The following PIGX variants were observed in gnomAD, a reference collection of about 807,000 sequenced individuals.
PIGX encodes phosphatidylinositol glycan anchor biosynthesis class X.
In PIGX, 24 loss-of-function variants were observed where a neutral mutation model predicts 28.7. The observed-to-expected ratio is 0.84, with a 90% CI of 0.60 to 1.17. PIGX has a LOEUF of 1.17. Ranked by LOEUF, PIGX falls within the 50% of genes most tolerant of loss-of-function variation. PIGX has a pLI of 0.00. For missense variants in PIGX, 305 were observed against 317.8 expected (o/e 0.96, Z 0.31); for synonymous variants, 127 against 121.0 (o/e 1.05, Z -0.33).
chr3:196,712,612 C>A lies in PIGX; in HGVS notation c.80C>A (p.Ala27Asp). 9.2e-6 allele frequency: 11 copies of A among 1,190,654 alleles called. No individual in the cohort carries two copies. The highest frequency in any genetic ancestry group is 1.1e-5 in the Non-Finnish European group (11 of 961,404). The allele number at this position is 1,190,654 out of a possible 1,614,324, so 73.8% of individuals were successfully genotyped here. A position where few individuals can be genotyped will look rare whatever the true frequency, so the allele number is the denominator to read the frequency against. Residue 27 changes from alanine (A) to aspartate (D), a missense_variant, in exon 1 of 6, where the codon GCC (alanine) becomes GAC (aspartate). By Grantham distance (126) the Ala-to-Asp change is moderately radical. Coordinates refer to ENST00000392391, the MANE Select transcript of PIGX (RefSeq NM_017861.4). The stretch of plus-strand genomic sequence containing the variant: ...GCGACCGGGCTCACGCGCGGGCCCG[C>A]CGCGGCCTTCACCGCCGCGCGCTCT...
intron 2 of PIGX, chr3:196,721,223 C>T: frequency 8.2e-6 from 3 of 364,260 alleles, no homozygotes; most frequent in South Asian, 2.1e-5. Flanking sequence ...TGTTTAAAGG[C>T]CATGGAGGCG....
intron 5 of PIGX, among the ~76,000 whole-genome samples, chr3:196,732,969 CT>C (rs1351605741): frequency 9.2e-5 from 14 of 152,038 alleles, no homozygotes; most frequent in Non-Finnish European, 1.5e-4. Context: ...AATAACAAGG[CT>C]TTAAAAGCTA....
At chr3:196,732,215 T>TA (rs1491484067) in intron 5 of PIGX, among the ~76,000 whole-genome samples, 43 of 39,630 alleles carry the variant, frequency 1.1e-3, no homozygotes, top group Non-Finnish European at 1.7e-3. Flanking sequence ...GTATATATTA[T>TA]TTATATATAT....
intron 4 of PIGX, among the ~76,000 whole-genome samples, chr3:196,730,084 G>T (rs1184980507): frequency 6.7e-6 from 1 of 149,322 alleles, no homozygotes; most frequent in Non-Finnish European, 1.5e-5. Flanking sequence ...AAAAAAAAAA[G>T]TTAGTAGCAC....
At chr3:196,728,777 C>T (rs533032693) in intron 4 of PIGX, 2 of 766,348 alleles carry the variant, frequency 2.6e-6, no homozygotes, top group East Asian at 4.9e-5. Flanking sequence ...GTTCTCTTCT[C>T]AGTAGCCATT....
chr3:196,735,462 A>G lies in PIGX; in HGVS notation c.*1560A>G, dbSNP rs1406036573. The G allele has an allele frequency of 6.6e-6, 1 of 152,054 alleles. No homozygotes were observed. The highest frequency in any genetic ancestry group is 1.5e-5 in the Non-Finnish European group (1 of 68,012). The allele number at this position is 152,054 out of a possible 1,614,324, so 9.4% of individuals were successfully genotyped here. On this transcript the variant is annotated 3_prime_UTR_variant, in exon 6 of 6. Transcript: ENST00000392391. ...CCATCACTGCTCCATTTCCTAAAGT[A>G]TTTTGGTGTTTTCATGGGACTACAT... is the stretch of plus-strand genomic sequence containing the variant.
intron 2 of PIGX, among the ~76,000 whole-genome samples, chr3:196,717,518 A>G (rs536292704): frequency 6.6e-6 from 1 of 152,180 alleles, no homozygotes; most frequent in Non-Finnish European, 1.5e-5. Context: ...AGTTCCCTAT[A>G]TCAAATGGCA....
At chr3:196,717,017 C>A in intron 2 of PIGX, 96 bp downstream of exon 2, 1 of 743,900 alleles carries the variant, frequency 1.3e-6, no homozygotes, top group Non-Finnish European at 2.3e-6. Context: ...ATTGAAAAAT[C>A]AGGCCAGATG....
rs185994958 is a variant in PIGX, at chr3:196,716,617, A to G, written c.113-241A>G. On this transcript the variant is annotated intron_variant, in intron 1 of 5. Transcript: ENST00000392391. ...CCAAAGTTAACACAGCTGTTAAGTT[A>G]CAGACTGGGATTTGAAATCAGGCAA... Among the ~76,000 whole-genome samples, 6 of 152,348 alleles carry G rather than the reference A, an allele frequency of 3.9e-5. No individual in the cohort carries two copies. In the East Asian group the frequency reaches 9.6e-4, roughly 24 times the overall value.
intron 2 of PIGX, chr3:196,721,309 C>T (rs890878404): frequency 4.9e-6 from 1 of 202,996 alleles, no homozygotes; most frequent in Non-Finnish European, 1.0e-5. Context: ...GTCTCCAAGT[C>T]ACTGATCTTT....
chr3:196,717,388 G>A (rs1364448685), intron 2 of PIGX, among the ~76,000 whole-genome samples: 1 of 152,100 alleles, frequency 6.6e-6, no homozygotes, highest in Non-Finnish European at 1.5e-5. Context: ...ATGATTAACT[G>A]AGTGGAGCAA....
rs142411559 is a variant in PIGX at position 196,735,416 on chromosome 3, T to G, written c.*1514T>G. ...ATTTATTTTATGTAGAGTATTGAGA[T>G]GTGATAAACCTTTGTATATGCCATC... On this transcript the variant is annotated 3_prime_UTR_variant, in exon 6 of 6. Coordinates refer to ENST00000392391, the MANE Select transcript of PIGX (RefSeq NM_017861.4). The G allele has an allele frequency of 6.6e-6, 1 of 151,402 alleles. No homozygotes were observed. Among genetic ancestry groups the G allele is most frequent in the Non-Finnish European group, 1.5e-5 (1 of 67,954 alleles). 9.4% of individuals were successfully genotyped at this position (151,402 alleles called of 1,614,324 possible). A position where few individuals can be genotyped will look rare whatever the true frequency, so the allele number is the denominator to read the frequency against.
rs1712908112 is a variant in PIGX at position 196,733,695 on chromosome 3, G to A, written c.634-64G>A. On this transcript the variant is annotated intron_variant, in intron 5 of 5. Coordinates refer to ENST00000392391, the MANE Select transcript of PIGX (RefSeq NM_017861.4). The surrounding 1 kb of genome is among the most constrained non-coding windows in gnomAD (Gnocchi z 4.3). The stretch of plus-strand genomic sequence containing the variant: ...CCCGAAGTGCTGGGATTACAGGCAT[G>A]AGCTACCACACCGGGCCCATGACAT... 2.4e-6 allele frequency: 3 copies of A among 1,246,412 alleles called. No individual in the cohort carries two copies. The highest frequency in any genetic ancestry group is 1.7e-5 in the Admixed American group (1 of 57,860). The allele number at this position is 1,246,412 out of a possible 1,614,324, so 77.2% of individuals were successfully genotyped here.
In PIGX at chr3:196,727,978, A is replaced by C. The variant is rs1361696363; in HGVS notation, c.374A>C (p.Glu125Ala). The C allele has an allele frequency of 6.2e-7, 1 of 1,613,982 alleles. No individual in the cohort carries two copies. The highest frequency in any genetic ancestry group is 8.5e-7 in the Non-Finnish European group (1 of 1,179,942). ...GAGGCCCCTAACTATTTGTCCAAGG[A>C]GTCTGAAGTTCTCATTTATGCCAGA... Residue 125 changes from glutamate to alanine, a missense_variant, in exon 4 of 6, where the codon GAG becomes GCG. By Grantham distance (107) the Glu-to-Ala change is moderately radical. Coordinates refer to ENST00000392391, the MANE Select transcript of PIGX (RefSeq NM_017861.4).
At chr3:196,720,940 C>G (rs2108680373) in intron 2 of PIGX, among the ~76,000 whole-genome samples, 1 of 152,140 alleles carries the variant, frequency 6.6e-6, no homozygotes, top group East Asian at 1.9e-4. Flanking sequence ...ATAAGTTGCT[C>G]CATTATCTTC....
chr3:196,727,158 C>T (rs1303809007), intron 3 of PIGX, among the ~76,000 whole-genome samples: 1 of 152,122 alleles, frequency 6.6e-6, no homozygotes, highest in Non-Finnish European at 1.5e-5. Flanking sequence ...CGTGTGTGTA[C>T]ATCCATACAT....
chr3:196,718,018 T>A (rs533766543), intron 2 of PIGX: 23 of 152,272 alleles, frequency 1.5e-4, no homozygotes, highest in African/African-American at 3.6e-4. Flanking sequence ...TATTTTTTTT[T>A]AATTTTTTTA....
rs1560081315 is a variant in PIGX at position 196,733,602 on chromosome 3, GT to G, written c.634-154del. On this transcript the variant is annotated intron_variant, in intron 5 of 5. Coordinates refer to ENST00000392391, the MANE Select transcript of PIGX (RefSeq NM_017861.4). The surrounding 1 kb of genome is among the most constrained non-coding windows in gnomAD (Gnocchi z 4.3). Reference sequence around the variant, plus strand: ...AATTTTTGTATTTTTAGTAGAGATGGTTTAGTAGAGATGTTGGCCAGGCTGG... The same window carrying G: ...AATTTTTGTATTTTTAGTAGAGATGGTTAGTAGAGATGTTGGCCAGGCTGG... Among the ~76,000 whole-genome samples the G allele has an allele frequency of 6.6e-6, 1 of 152,028 alleles. No homozygotes were observed. Among genetic ancestry groups the G allele is most frequent in the South Asian group, 2.1e-4 (1 of 4,824 alleles).
At chr3:196,718,989 T>C (rs908634315) in intron 2 of PIGX, among the ~76,000 whole-genome samples, 1 of 152,174 alleles carries the variant, frequency 6.6e-6, no homozygotes, top group African/African-American at 2.4e-5. Flanking sequence ...AATATAGCCA[T>C]CCCATATTTA....
Sources: gnomAD v4.1 joint callset for allele counts (sites outside exome capture counted in the v4.1 genomes callset) on GRCh38, gnomAD v4.1.1 for gene constraint, Gnocchi (gnomAD v3.1) non-coding constraint, MANE v1.5 for transcripts, NCBI Gene and HGNC (gene_info 2026-07-23, HGNC 2026-07-21) for gene names.